LACTB2: variants seen among roughly 807,000 people sequenced by gnomAD.
LACTB2 encodes the protein endoribonuclease LACTB2.
LACTB2 carries 32 observed loss-of-function variants against 34.8 expected under a neutral mutation model. The observed-to-expected ratio is 0.92, with a 90% confidence interval of 0.69 to 1.24. LACTB2 has a LOEUF of 1.24. Ranked by LOEUF, LACTB2 falls within the 50% of genes most tolerant of loss-of-function variation. The pLI, the probability that LACTB2 is intolerant of heterozygous loss-of-function variation, is 0.00. For synonymous variants in LACTB2, 120 were observed against 117.5 expected (o/e 1.02, Z -0.14); for missense variants, 320 against 345.0 (o/e 0.93, Z 0.57).
intron 3 of LACTB2, among the ~76,000 whole-genome samples, chr8:70,648,745 CGCTTTG>C (rs1375598193): frequency 6.6e-6 from 1 of 152,102 alleles, no homozygotes; most frequent in Non-Finnish European, 1.5e-5. Flanking sequence ...GACAAAGACT[CGCTTTG>C]ACTAAAACTA....
Position 70,643,440 on chromosome 8 carries a change from C to T in LACTB2, c.592+625G>A, listed in dbSNP as rs184812140. On this transcript the variant is annotated intron_variant, in intron 4 of 6. Transcript: ENST00000276590. ...GTTTCACCATGTTGGCCAGGCTGAT[C>T]TCGAACTCCTGACCTCAGGTGATCT... 2.8e-3 allele frequency among the ~76,000 whole-genome samples: 425 copies of T among 151,968 alleles called. 4 individuals carry two copies. Among genetic ancestry groups the T allele is most frequent in the African/African-American group, 9.7e-3 (404 of 41,448 alleles).
chr8:70,668,849 G>T, intron 1 of LACTB2, 150 bp downstream of exon 1: 1 of 966,108 alleles, frequency 1.0e-6, no homozygotes, highest in Non-Finnish European at 1.5e-6. Flanking sequence ...CCGAGTGTCT[G>T]CGTGCAGTCC....
rs777314366 is a variant in LACTB2, at chr8:70,638,649, GA to G, written c.742-21del. On this transcript the variant is annotated intron_variant, in intron 5 of 6. Transcript: ENST00000276590. ...AGTATTCTAAAAGAAAAATGAAGGT[GA>G]AAAAAATTCCTTTTTTTTTAAAAAA... The G allele has an allele frequency of 9.5e-5, 122 of 1,282,932 alleles. 1 individual carries two copies. The South Asian group carries it at 2.1e-3, about 22-fold the overall frequency. 79.5% of individuals were successfully genotyped at this position (1,282,932 alleles called of 1,614,324 possible). A position where few individuals can be genotyped will look rare whatever the true frequency, so the allele number is the denominator to read the frequency against.
intron 3 of LACTB2, among the ~76,000 whole-genome samples, chr8:70,644,896 G>A (rs1207791880): frequency 6.6e-6 from 1 of 151,866 alleles, no homozygotes; most frequent in East Asian, 1.9e-4. Flanking sequence ...TTCCTCAGAG[G>A]GAGAGCTTTT....
chr8:70,638,679 AAC>A (rs767894331), intron 5 of LACTB2, 50 bp from the exon 6 acceptor site: 3 of 1,300,026 alleles, frequency 2.3e-6, no homozygotes, highest in Non-Finnish European at 3.1e-6. Context: ...TAAAAAAAAG[AAC>A]ACAGTTAATT....
chr8:70,648,457 G>A (rs1041799734), intron 3 of LACTB2, among the ~76,000 whole-genome samples: 1 of 152,100 alleles, frequency 6.6e-6, no homozygotes, highest in Non-Finnish European at 1.5e-5. Flanking sequence ...GGAACAAAAA[G>A]TTTCTGAAAA....
chr8:70,668,865 G>C, intron 1 of LACTB2, 134 bp downstream of exon 1: 2 of 1,243,330 alleles, frequency 1.6e-6, no homozygotes, highest in South Asian at 3.0e-5. Context: ...AGTCCCGACG[G>C]GGCTGCTAGG....
At chr8:70,655,381 G>A (rs938142175) in intron 3 of LACTB2, among the ~76,000 whole-genome samples, 21 of 151,846 alleles carry the variant, frequency 1.4e-4, no homozygotes, top group African/African-American at 3.1e-4. Flanking sequence ...CACCATGCCC[G>A]GCTAATTTTT....
At chr8:70,663,267 CATTAAA>C (rs1563408873) in intron 1 of LACTB2, 2 of 152,172 alleles carry the variant, frequency 1.3e-5, no homozygotes, top group East Asian at 3.8e-4. Flanking sequence ...TTTTGCAAAG[CATTAAA>C]ATTAAACAGT....
chr8:70,646,502 C>T (rs1818265771), intron 3 of LACTB2: 1 of 152,136 alleles, frequency 6.6e-6, no homozygotes, highest in Non-Finnish European at 1.5e-5. Context: ...ACTCTTTAAT[C>T]TATTTTTTTC....
chr8:70,654,495 A>C (rs147327314), intron 3 of LACTB2: 1,681 of 152,202 alleles, frequency 0.011, 27 homozygotes, highest in Non-Finnish European at 0.017. Flanking sequence ...TAAAGGAGGA[A>C]GTACTGGTAG....
chr8:70,639,226 C>T (rs949362910), intron 5 of LACTB2, among the ~76,000 whole-genome samples: 6 of 151,784 alleles, frequency 4.0e-5, no homozygotes, highest in East Asian at 1.9e-4. Context: ...ATGGCGCGAT[C>T]TCGGCTCACT....
intron 3 of LACTB2, among the ~76,000 whole-genome samples, chr8:70,645,656 C>G (rs557678531): frequency 1.3e-4 from 18 of 135,678 alleles, no homozygotes; most frequent in African/African-American, 4.3e-4. Context: ...CCCCCCACCC[C>G]ACAATAGGCC....
At chr8:70,650,365 A>G (rs981154489) in intron 3 of LACTB2, among the ~76,000 whole-genome samples, 4 of 152,216 alleles carry the variant, frequency 2.6e-5, no homozygotes, top group African/African-American at 9.6e-5. Context: ...TAGAAACTAA[A>G]GGTTCAGTAT....
chr8:70,657,918 C>T (rs1277098540), intron 2 of LACTB2, 36 bp from the exon 3 acceptor site: 3 of 1,428,502 alleles, frequency 2.1e-6, no homozygotes, highest in Non-Finnish European at 2.9e-6. Flanking sequence ...TTAATTCACA[C>T]TTTATAATTA....
At chr8:70,661,710 G>C (rs1309078762) in intron 2 of LACTB2, 24 bp downstream of exon 2, 1 of 1,596,412 alleles carries the variant, frequency 6.3e-7, no homozygotes, top group South Asian at 1.1e-5. Flanking sequence ...TCCTCAATGA[G>C]CTTAATGAAT....
At chr8:70,649,907 A>G (rs1818316988) in intron 3 of LACTB2, among the ~76,000 whole-genome samples, 3 of 152,330 alleles carry the variant, frequency 2.0e-5, no homozygotes, top group South Asian at 4.1e-4. Context: ...CATAATATGT[A>G]AATGTTTTCA....
intron 2 of LACTB2, chr8:70,660,772 C>T (rs962432324): frequency 2.2e-6 from 1 of 456,242 alleles, no homozygotes; most frequent in Non-Finnish European, 4.4e-6. Flanking sequence ...GCATAGCACC[C>T]ATGATTATCT....
At position 70,638,531 on chromosome 8, in the gene LACTB2, T is replaced by A. The variant is rs1359399345; in HGVS notation, c.823+17A>T. 1 of 1,525,782 alleles carries A rather than the reference T, an allele frequency of 6.6e-7. No individual in the cohort carries two copies. Among genetic ancestry groups the A allele is most frequent in the East Asian group, 2.4e-5 (1 of 41,446 alleles). The allele number at this position is 1,525,782 out of a possible 1,614,324, so 94.5% of individuals were successfully genotyped here. The stretch of plus-strand genomic sequence containing the variant: ...TTTAAATGCTGGTAATAGAAGAAAA[T>A]TTGGAAGCATACTCACATATTTTTC... On this transcript the variant is annotated intron_variant, in intron 6 of 6. Coordinates refer to ENST00000276590, the MANE Select transcript of LACTB2 (RefSeq NM_016027.3).
Sources: gnomAD v4.1 joint callset for allele counts (sites outside exome capture counted in the v4.1 genomes callset) on GRCh38, gnomAD v4.1.1 for gene constraint, MANE v1.5 for transcripts, NCBI Gene and HGNC (gene_info 2026-07-23, HGNC 2026-07-21) for gene names.